The following DLEU7 variants were observed in gnomAD, a reference collection of about 807,000 sequenced individuals.
DLEU7 encodes leukemia-associated protein 7.
A neutral mutation model predicts 16.0 loss-of-function variants in DLEU7; 17 were observed. The observed-to-expected ratio is 1.06, with a 90% confidence interval of 0.73 to 1.59. The LOEUF (loss-of-function observed/expected upper bound fraction) is 1.59. Ranked by LOEUF, DLEU7 falls within the 40% of genes most tolerant of loss-of-function variation. DLEU7 has a pLI of 0.00. For missense variants in DLEU7, 308 were observed against 314.9 expected (o/e 0.98, Z 0.17); for synonymous variants, 113 against 139.8 (o/e 0.81, Z 1.35).
downstream of DLEU7, chr13:50,711,772 C>CCGGGGTGG: frequency 1.4e-5 from 1 of 72,928 alleles, no homozygotes; most frequent in Admixed American, 1.5e-4. Flanking sequence ...GACCCAGTGG[C>CCGGGGTGG]GGGGGCGGGG....
At chr13:50,740,140 T>C (rs964635977) in intron 1 of DLEU7, among the ~76,000 whole-genome samples, 1 of 152,194 alleles carries the variant, frequency 6.6e-6, no homozygotes, top group Non-Finnish European at 1.5e-5. Flanking sequence ...TACACATTTT[T>C]TTCCTGCAGT....
At chr13:50,821,492 G>A (rs1000074150), downstream of DLEU7, among the ~76,000 whole-genome samples, 6 of 152,224 alleles carry the variant, frequency 3.9e-5, no homozygotes, top group African/African-American at 1.4e-4. Context: ...ATGCTATTAA[G>A]ATATCATGTG....
chr13:50,823,827 C>T (rs1013604260), intron 1 of DLEU7, among the ~76,000 whole-genome samples: 1 of 152,210 alleles, frequency 6.6e-6, no homozygotes, highest in Non-Finnish European at 1.5e-5. Context: ...TCCTCTTTAA[C>T]TGAGGCTATT....
chr13:50,756,015 A>C (rs1359667309), intron 1 of DLEU7, among the ~76,000 whole-genome samples: 1 of 151,608 alleles, frequency 6.6e-6, no homozygotes, highest in Non-Finnish European at 1.5e-5. Context: ...AAGTCTCCCC[A>C]CCTCCAGGCT....
intron 1 of DLEU7, chr13:50,719,717 A>G (rs187299997): frequency 2.4e-3 from 368 of 152,338 alleles, no homozygotes; most frequent in African/African-American, 8.3e-3. Flanking sequence ...CCAGGTGAAT[A>G]TGCTGCTGTG....
In DLEU7 at chr13:50,756,472, TC is replaced by T. The variant is rs567841922; in HGVS notation, c.460-43233del. Among the ~76,000 whole-genome samples the T allele has an allele frequency of 3.2e-4, 49 of 152,116 alleles. 3 individuals carry two copies. In the South Asian group the frequency reaches 0.01, roughly 32 times the overall value. ...AAAGATTATGGCTGCCTCTGCTGAGTCATGCAGGTTGTCAGGGAAGTGGGGG... is the reference window on the plus strand; with the variant it reads ...AAAGATTATGGCTGCCTCTGCTGAGTATGCAGGTTGTCAGGGAAGTGGGGG... On this transcript the variant is annotated intron_variant, in intron 1 of 1. Coordinates refer to the DLEU7 transcript ENST00000400393.
At chr13:50,780,564 T>A (rs114439997) in intron 1 of DLEU7, among the ~76,000 whole-genome samples, 1,734 of 152,298 alleles carry the variant, frequency 0.011, 29 homozygotes, top group African/African-American at 0.039. Context: ...GAGAAATATA[T>A]GTGCTCTTTG....
chr13:50,747,285 A>G (rs1874426638), intron 1 of DLEU7, among the ~76,000 whole-genome samples: 1 of 151,740 alleles, frequency 6.6e-6, no homozygotes, highest in Admixed American at 6.6e-5. Flanking sequence ...GAGGCATTCC[A>G]TTTATGCTCT....
intron 1 of DLEU7, among the ~76,000 whole-genome samples, chr13:50,833,146 G>GACACC (rs1293187275): frequency 6.6e-6 from 1 of 152,152 alleles, no homozygotes; most frequent in Non-Finnish European, 1.5e-5. Flanking sequence ...ACAAGACAAG[G>GACACC]ACACCCTCTC....
At chr13:50,729,520 A>ATATTTC (rs201731571) in intron 1 of DLEU7, among the ~76,000 whole-genome samples, 2,419 of 152,234 alleles carry the variant, frequency 0.016, 57 homozygotes, top group African/African-American at 0.054. Context: ...TATGGTAGAA[A>ATATTTC]TATTTCTATT....
chr13:50,794,366 T>A (rs7328277), intron 1 of DLEU7, among the ~76,000 whole-genome samples: 64,189 of 151,516 alleles, frequency 0.42, 13,926 homozygotes, highest in African/African-American at 0.52. Context: ...ATTGTGACAT[T>A]CAAGTCCAGG....
intron 1 of DLEU7, among the ~76,000 whole-genome samples, chr13:50,737,248 A>G (rs1874098250): frequency 1.3e-5 from 2 of 152,196 alleles, no homozygotes; most frequent in South Asian, 4.1e-4. Flanking sequence ...TAGCAAATTG[A>G]AATAGTCAAA....
At chr13:50,827,315 G>T (rs1248560019) in intron 1 of DLEU7, among the ~76,000 whole-genome samples, 1 of 152,144 alleles carries the variant, frequency 6.6e-6, no homozygotes, top group African/African-American at 2.4e-5. Flanking sequence ...TGTGAAAAAT[G>T]TAAGAGTTAT....
chr13:50,762,466 C>T lies in DLEU7; in HGVS notation c.460-49226G>A, dbSNP rs543888395. On this transcript the variant is annotated intron_variant, in intron 1 of 1. Coordinates refer to the DLEU7 transcript ENST00000400393. ...TCACGGAACAGGGTAAAGCCCAGGT[C>T]GGAACCTATCCTGGCTGCTGCCTCA... 3.9e-5 allele frequency among the ~76,000 whole-genome samples: 6 copies of T among 152,238 alleles called. No homozygotes were observed. The South Asian group carries it at 6.2e-4, about 16-fold the overall frequency.
rs1244058054 is a variant in DLEU7, at chr13:50,823,518, A to C, written c.462T>G (p.Asp154Glu). ...QERSFPIHLK[D>E]SVEFRNICSH... ...TGCAGATGTTTCTAAACTCAACACT[A>C]TCCTGAAATGAACAACAAACACAAA... The change falls in exon 2 of 2, where the codon GAT becomes GAG. Residue 154 changes from aspartate to glutamate, a missense_variant and splice_region_variant. Asp to Glu is a conservative substitution (Grantham distance 45, BLOSUM62 2). Transcript: ENST00000504404. 2.0e-6 allele frequency: 3 copies of C among 1,535,500 alleles called. No homozygotes were observed. Among genetic ancestry groups the C allele is most frequent in the Admixed American group, 2.0e-5 (1 of 50,970 alleles).
At chr13:50,717,101 A>ATTT (rs1873459709) in intron 1 of DLEU7, among the ~76,000 whole-genome samples, 1 of 152,234 alleles carries the variant, frequency 6.6e-6, no homozygotes, top group Non-Finnish European at 1.5e-5. Flanking sequence ...AGGATCTTTA[A>ATTT]TACTTTAGCT....
At chr13:50,755,538 A>G (rs773165675) in intron 1 of DLEU7, among the ~76,000 whole-genome samples, 7 of 114,046 alleles carry the variant, frequency 6.1e-5, no homozygotes, top group Non-Finnish European at 1.0e-4. Flanking sequence ...TGTTTCCTGA[A>G]GTTTTTATTG....
intron 1 of DLEU7, among the ~76,000 whole-genome samples, chr13:50,732,841 A>G (rs2812243): frequency 0.16 from 24,785 of 152,100 alleles, 2,963 homozygotes; most frequent in African/African-American, 0.34. Context: ...CACAGTATGC[A>G]TAGTAACTTA....
At chr13:50,840,099 G>C (rs1877598138) in intron 1 of DLEU7, 1 of 152,212 alleles carries the variant, frequency 6.6e-6, no homozygotes, top group South Asian at 2.1e-4. Flanking sequence ...TCCGTGGTAA[G>C]TAACACCACC....
Sources: allele counts gnomAD v4.1 joint callset (sites outside exome capture counted in the v4.1 genomes callset), GRCh38; gene constraint gnomAD v4.1.1; transcripts MANE v1.5; gene names NCBI Gene and HGNC (gene_info 2026-07-23, HGNC 2026-07-21).